Variants in NELL1 observed in about 807,000 individuals in gnomAD.
The protein encoded by NELL1 is neural EGFL like 1, also known as protein kinase C-binding protein NELL1.
NELL1 carries 76 observed loss-of-function variants against 107.4 expected under a neutral mutation model. That is an observed-to-expected ratio of 0.71 (90% CI 0.59 to 0.86). The LOEUF (loss-of-function observed/expected upper bound fraction) is 0.86, where lower values mean the gene tolerates loss of function less well. NELL1 is among the 40% of genes least tolerant of loss of function. The probability of loss-of-function intolerance (pLI) is 0.00; values close to 1 mark genes in which losing one functional copy is unlikely to be tolerated. For missense variants in NELL1, 1,024 were observed against 1,005.5 expected, an observed-to-expected ratio of 1.02 and a Z score of -0.25; for synonymous variants, 353 against 341.2, an observed-to-expected ratio of 1.03 and a Z score of -0.38.
At chr11:21,115,307 G>A (rs1855206209) in intron 13 of NELL1, among the ~76,000 whole-genome samples, 1 of 148,174 alleles carries the variant, frequency 6.7e-6, no homozygotes, top group Non-Finnish European at 1.5e-5. Context: ...AAAGAGTAAG[G>A]CTCTGCAGGA....
chr11:21,450,550 T>A (rs1306006301), intron 15 of NELL1, among the ~76,000 whole-genome samples: 4 of 152,200 alleles, frequency 2.6e-5, no homozygotes, highest in Non-Finnish European at 5.9e-5. Context: ...AATGATGGAA[T>A]CATGTCTTAG....
intron 12 of NELL1, among the ~76,000 whole-genome samples, chr11:21,015,819 T>C (rs1852551216): frequency 6.6e-6 from 1 of 152,126 alleles, no homozygotes; most frequent in Non-Finnish European, 1.5e-5. Flanking sequence ...GCCAGGCACG[T>C]CCTGTTGTCA....
intron 5 of NELL1, among the ~76,000 whole-genome samples, chr11:20,897,895 G>T (rs922242607): frequency 6.6e-6 from 1 of 152,042 alleles, no homozygotes. Flanking sequence ...TTAGTATGGC[G>T]ATCATTAAAA....
chr11:21,227,521 A>AG (rs1211378768), intron 13 of NELL1, among the ~76,000 whole-genome samples: 1 of 152,202 alleles, frequency 6.6e-6, no homozygotes, highest in Admixed American at 6.5e-5. Flanking sequence ...TTAAAGAAGG[A>AG]GGCTGAAAAC....
Position 20,975,479 on chromosome 11 carries a change from A to G in NELL1, c.1300+14919A>G, listed in dbSNP as rs1161219696. ...TCAAAATAGATATTTCTTATTCTTC[A>G]TGGATATAGCTACATATTCAATATA... is the stretch of plus-strand genomic sequence containing the variant. On this transcript the variant is annotated intron_variant, in intron 12 of 19. Transcript: ENST00000357134. Among the ~76,000 whole-genome samples the G allele has an allele frequency of 4.0e-5, 6 of 148,290 alleles. No homozygotes were observed. In the East Asian group the frequency reaches 9.8e-4, roughly 24 times the overall value.
chr11:21,541,592 A>G (rs2133979151), intron 16 of NELL1, among the ~76,000 whole-genome samples: 2 of 152,192 alleles, frequency 1.3e-5, no homozygotes, highest in African/African-American at 4.8e-5. Flanking sequence ...GACAAACCTC[A>G]CTGAAGGGGA....
At chr11:21,335,922 T>C (rs1330403827) in intron 14 of NELL1, among the ~76,000 whole-genome samples, 2 of 152,072 alleles carry the variant, frequency 1.3e-5, no homozygotes, top group African/African-American at 4.8e-5. Context: ...AAAGTTTGCT[T>C]TAGTTCTGTA....
chr11:20,765,080 C>T (rs1856502001), intron 2 of NELL1, among the ~76,000 whole-genome samples: 1 of 152,030 alleles, frequency 6.6e-6, no homozygotes, highest in Admixed American at 6.6e-5. Flanking sequence ...ATTGCTTAAT[C>T]CCAGGAGTTC....
chr11:20,836,127 C>A (rs1173210424), intron 3 of NELL1, among the ~76,000 whole-genome samples: 1 of 151,836 alleles, frequency 6.6e-6, no homozygotes, highest in Non-Finnish European at 1.5e-5. Context: ...TAAAAATAGG[C>A]AAAATATCTG....
At chr11:21,368,445 C>A (rs538711293) in intron 14 of NELL1, among the ~76,000 whole-genome samples, 10 of 151,402 alleles carry the variant, frequency 6.6e-5, no homozygotes, top group Non-Finnish European at 1.3e-4. Flanking sequence ...TTTGTGAACA[C>A]CGGATTGTAG....
chr11:21,470,216 C>T (rs1854140841), intron 15 of NELL1, among the ~76,000 whole-genome samples: 1 of 151,960 alleles, frequency 6.6e-6, no homozygotes, highest in African/African-American at 2.4e-5. Flanking sequence ...ATGCTAAGAG[C>T]TCAAACTTTC....
intron 13 of NELL1, among the ~76,000 whole-genome samples, chr11:21,189,284 G>T (rs1241450007): frequency 6.6e-6 from 1 of 151,744 alleles, no homozygotes; most frequent in Non-Finnish European, 1.5e-5. Context: ...TCTGTTATGT[G>T]CATCTTTAAT....
At chr11:21,319,093 G>A (rs1849944624) in intron 14 of NELL1, among the ~76,000 whole-genome samples, 1 of 151,836 alleles carries the variant, frequency 6.6e-6, no homozygotes. Context: ...ATTCTAAGTA[G>A]AGCCTCGTTT....
At chr11:21,265,012 A>T (rs890940186) in intron 14 of NELL1, among the ~76,000 whole-genome samples, 1 of 151,982 alleles carries the variant, frequency 6.6e-6, no homozygotes, top group African/African-American at 2.4e-5. Flanking sequence ...GGTAATAGAA[A>T]AGTATTTAAT....
At chr11:21,183,942 G>A (rs919559662) in intron 13 of NELL1, among the ~76,000 whole-genome samples, 4 of 151,692 alleles carry the variant, frequency 2.6e-5, no homozygotes, top group Non-Finnish European at 4.4e-5. Flanking sequence ...GATCATTTTT[G>A]GGGGCTCATA....
At chr11:20,896,163 A>C (rs556765175) in intron 5 of NELL1, among the ~76,000 whole-genome samples, 1 of 152,108 alleles carries the variant, frequency 6.6e-6, no homozygotes, top group East Asian at 1.9e-4. Flanking sequence ...AGTCCCCAGG[A>C]TCCCTTCTGT....
intron 12 of NELL1, among the ~76,000 whole-genome samples, chr11:20,974,764 GC>G (rs1299965724): frequency 2.0e-5 from 3 of 152,098 alleles, no homozygotes; most frequent in African/African-American, 4.8e-5. Context: ...TACACTGAAG[GC>G]TTCAGTATCT....
chr11:20,960,059 T>C (rs1851258377), intron 11 of NELL1, among the ~76,000 whole-genome samples: 1 of 152,088 alleles, frequency 6.6e-6, no homozygotes, highest in South Asian at 2.1e-4. Context: ...TGTATTCATT[T>C]TATTTTATAT....
intron 14 of NELL1, among the ~76,000 whole-genome samples, chr11:21,327,364 T>G (rs1850170230): frequency 6.6e-6 from 1 of 152,126 alleles, no homozygotes; most frequent in Non-Finnish European, 1.5e-5. Flanking sequence ...TCTGATGGTT[T>G]TATAAGGGGC....
Sources: gnomAD v4.1 joint callset for allele counts (sites outside exome capture counted in the v4.1 genomes callset) on GRCh38, gnomAD v4.1.1 for gene constraint, MANE v1.5 for transcripts, NCBI Gene and HGNC (gene_info 2026-07-23, HGNC 2026-07-21) for gene names.